OSBP2: variants seen among roughly 807,000 people sequenced by gnomAD.
OSBP2 encodes the protein oxysterol binding protein 2.
Under a neutral mutation model 96.0 loss-of-function variants are expected in OSBP2, and 66 were observed. That is an observed-to-expected ratio of 0.69 (90% CI 0.56 to 0.84). OSBP2 has a LOEUF of 0.84. OSBP2 is among the 40% of genes least tolerant of loss of function. The pLI, the probability that OSBP2 is intolerant of heterozygous loss-of-function variation, is 0.00. For synonymous variants in OSBP2, 525 were observed against 520.9 expected (o/e 1.01, Z -0.11); for missense variants, 1,038 against 1,222.7 (o/e 0.85, Z 2.25).
rs1297592520 is a variant in OSBP2 at position 30,789,844 on chromosome 22, C to T, written c.853+48475C>T. Among the ~76,000 whole-genome samples the T allele has an allele frequency of 2.6e-5, 4 of 152,142 alleles. No homozygotes were observed. The East Asian group carries it at 7.7e-4, about 29-fold the overall frequency. The stretch of plus-strand genomic sequence containing the variant: ...GTCTGCCCTTGAGATTCTTTGTCTG[C>T]AACAGCTTTGCATCTTCCACCAGTA... On this transcript the variant is annotated intron_variant, in intron 2 of 13. Coordinates refer to ENST00000332585, the MANE Select transcript of OSBP2 (RefSeq NM_030758.4).
chr22:30,742,021 C>G (rs538062128), intron 2 of OSBP2, among the ~76,000 whole-genome samples: 1 of 151,786 alleles, frequency 6.6e-6, no homozygotes, highest in Non-Finnish European at 1.5e-5. Context: ...GGTTTCATCA[C>G]GTTGGCCAGG....
At chr22:30,698,716 G>A (rs995178411) in intron 1 of OSBP2, among the ~76,000 whole-genome samples, 2 of 152,054 alleles carry the variant, frequency 1.3e-5, no homozygotes. Context: ...GGGATTACAG[G>A]CATGAGCCAC....
chr22:30,763,466 G>C (rs1463301680), intron 2 of OSBP2, among the ~76,000 whole-genome samples: 1 of 152,158 alleles, frequency 6.6e-6, no homozygotes, highest in East Asian at 1.9e-4. Flanking sequence ...GGCCAACATG[G>C]TGAAACCTGT....
chr22:30,768,953 C>T (rs982333799), intron 2 of OSBP2, among the ~76,000 whole-genome samples: 1 of 152,162 alleles, frequency 6.6e-6, no homozygotes, highest in Non-Finnish European at 1.5e-5. Flanking sequence ...GTGGAGGGCC[C>T]CGGGGTCCAG....
chr22:30,876,625 C>T (rs531663852), intron 3 of OSBP2, among the ~76,000 whole-genome samples: 2 of 152,352 alleles, frequency 1.3e-5, no homozygotes, highest in South Asian at 2.1e-4. Context: ...GTGGCAGTTC[C>T]CCCAACACCC....
rs906348599 is a variant in OSBP2 at position 30,906,001 on chromosome 22, A to C, written c.2540A>C (p.Lys847Thr). Residue 847 changes from lysine to threonine, a missense_variant, in exon 13 of 14, where the codon AAG becomes ACG. Lys to Thr is a moderately conservative substitution (Grantham distance 78, BLOSUM62 -1). Around this residue, in one of 3 missense-constraint regions of OSBP2, gnomAD observed 737 missense variants for 913.3 expected, o/e 0.81. Coordinates refer to ENST00000332585, the MANE Select transcript of OSBP2 (RefSeq NM_030758.4). ...ANTEKQRLEE[K>T]QRLSRRRRLE... Reference sequence around the variant, plus strand: ...ACCGAGAAGCAGCGGCTGGAGGAGAAGCAGCGCCTGTCGCGGCGCCGGCGG... The same window carrying C: ...ACCGAGAAGCAGCGGCTGGAGGAGACGCAGCGCCTGTCGCGGCGCCGGCGG... 3.1e-6 allele frequency: 5 copies of C among 1,593,622 alleles called. No homozygotes were observed. Among genetic ancestry groups the C allele is most frequent in the African/African-American group, 2.7e-5 (2 of 74,502 alleles).
upstream of OSBP2, chr22:30,693,971 G>GAA (rs11383654): frequency 0.13 from 105,047 of 839,888 alleles, 14 homozygotes; most frequent in Non-Finnish European, 0.14. Context: ...TCTCAAAAAG[G>GAA]AAAAAAAAAA....
At chr22:30,823,057 G>A (rs1475742980) in intron 2 of OSBP2, among the ~76,000 whole-genome samples, 1 of 152,264 alleles carries the variant, frequency 6.6e-6, no homozygotes, top group East Asian at 1.9e-4. Context: ...CTTCCCCAGA[G>A]TCGGCCTGGG....
At chr22:30,792,399 T>A (rs1361572850) in intron 2 of OSBP2, among the ~76,000 whole-genome samples, 1 of 152,178 alleles carries the variant, frequency 6.6e-6, no homozygotes, top group Non-Finnish European at 1.5e-5. Context: ...TCATCCACCA[T>A]CTGCAGTATT....
At chr22:30,717,802 C>G (rs1035773371) in intron 1 of OSBP2, among the ~76,000 whole-genome samples, 2 of 152,172 alleles carry the variant, frequency 1.3e-5, no homozygotes, top group African/African-American at 4.8e-5. Context: ...TCATCATCTC[C>G]TGCTGATCCC....
At position 30,830,862 on chromosome 22, in the gene OSBP2, A is replaced by G. The variant is rs532838944; in HGVS notation, c.854-39567A>G. On this transcript the variant is annotated intron_variant, in intron 2 of 13. Transcript: ENST00000332585. The stretch of plus-strand genomic sequence containing the variant: ...GTCAATGTTTTTCCTTTATACAAAC[A>G]TCCTTTTAATATCATTGAGATCCAA... Among the ~76,000 whole-genome samples, 7 of 147,126 alleles carry G rather than the reference A, an allele frequency of 4.8e-5. No individual in the cohort carries two copies. In the South Asian group the frequency reaches 1.5e-3, roughly 32 times the overall value.
chr22:30,849,223 C>T (rs760966498), intron 2 of OSBP2, among the ~76,000 whole-genome samples: 8 of 152,138 alleles, frequency 5.3e-5, no homozygotes, highest in South Asian at 2.1e-4. Context: ...GAGCTATGAT[C>T]ATGCCACTGC....
chr22:30,743,264 C>A (rs967719068), intron 2 of OSBP2, among the ~76,000 whole-genome samples: 1 of 152,178 alleles, frequency 6.6e-6, no homozygotes, highest in African/African-American at 2.4e-5. Flanking sequence ...CCCTGTCTCC[C>A]ATGTTGGGGT....
chr22:30,858,962 G>A (rs1206563559), intron 2 of OSBP2, among the ~76,000 whole-genome samples: 1 of 151,338 alleles, frequency 6.6e-6, no homozygotes, highest in Non-Finnish European at 1.5e-5. Context: ...CATTCAATAG[G>A]TTCCTATTTA....
intron 2 of OSBP2, among the ~76,000 whole-genome samples, chr22:30,864,592 C>T (rs963811074): frequency 6.6e-6 from 1 of 152,122 alleles, no homozygotes; most frequent in African/African-American, 2.4e-5. Context: ...GTCTGAATGT[C>T]CTTCCCCGCC....
chr22:30,838,871 A>G (rs999839720), intron 2 of OSBP2, among the ~76,000 whole-genome samples: 5 of 151,396 alleles, frequency 3.3e-5, no homozygotes, highest in Admixed American at 2.0e-4. Context: ...GTTTTAGGGT[A>G]CATGTGCACA....
In OSBP2 at chr22:30,870,094, C is replaced by A. The variant is rs1410557651; in HGVS notation, c.854-335C>A. On this transcript the variant is annotated intron_variant, in intron 2 of 13. Transcript: ENST00000332585. This position sits in a 1 kb window ranked among gnomAD's most constrained non-coding sequence, Gnocchi z 4.1. ...ACCCAGCAGAGCCCATCCTTCCCTG[C>A]ACACCACAATGTAGGGAGCTGGCGC... 6.6e-6 allele frequency among the ~76,000 whole-genome samples: 1 copy of A among 152,216 alleles called. No individual in the cohort carries two copies. Among genetic ancestry groups the A allele is most frequent in the Non-Finnish European group, 1.5e-5 (1 of 68,024 alleles).
intron 1 of OSBP2, among the ~76,000 whole-genome samples, chr22:30,696,548 T>C (rs1057201162): frequency 2.0e-5 from 3 of 152,242 alleles, no homozygotes; most frequent in African/African-American, 7.2e-5. Context: ...GTTTCATTGC[T>C]GCACACAAAA....
At position 30,741,271 on chromosome 22, in the gene OSBP2, A is replaced by G. The variant is rs1397832282; in HGVS notation, c.755A>G (p.Tyr252Cys). ...TTGCTGACCAGTGGGGCCAGGAGCTACCACCTCAAGGCCAGCTCAGAGGTG... is the reference window on the plus strand; with the variant it reads ...TTGCTGACCAGTGGGGCCAGGAGCTGCCACCTCAAGGCCAGCTCAGAGGTG... Reference protein sequence around the residue: ...GILLTSGARSYHLKASSEVDR... With the variant: ...GILLTSGARSCHLKASSEVDR... The change falls in exon 2 of 14, where the codon TAC becomes TGC. Residue 252 changes from tyrosine to cysteine, a missense_variant. Tyr to Cys is a radical substitution (Grantham distance 194). Transcript: ENST00000332585. The G allele has an allele frequency of 3.7e-6, 6 of 1,613,876 alleles. No individual in the cohort carries two copies. The highest frequency in any genetic ancestry group is 2.7e-5 in the African/African-American group (2 of 74,934).
Sources: gnomAD v4.1 joint callset for allele counts (sites outside exome capture counted in the v4.1 genomes callset) on GRCh38, gnomAD v4.1.1 for gene constraint, gnomAD v4.1.1 regional missense constraint, Gnocchi (gnomAD v3.1) non-coding constraint, MANE v1.5 for transcripts, NCBI Gene and HGNC (gene_info 2026-07-23, HGNC 2026-07-21) for gene names.